The following KLHL40 variants were observed in gnomAD, a reference collection of about 807,000 sequenced individuals.
KLHL40 encodes kelch like family member 40.
KLHL40 carries 44 observed loss-of-function variants against 49.7 expected under a neutral mutation model. That is an observed-to-expected ratio of 0.89 (90% confidence interval 0.70 to 1.14). The LOEUF is 1.14. Among genes scored for constraint, KLHL40 ranks in the 50% most tolerant of loss-of-function variants. The pLI is 0.00. For synonymous variants in KLHL40, 409 were observed against 365.2 expected, an observed-to-expected ratio of 1.12 and a Z score of -1.37; for missense variants, 892 against 850.3, an observed-to-expected ratio of 1.05 and a Z score of -0.61.
intron 1 of KLHL40, among the ~76,000 whole-genome samples, chr3:42,687,238 G>A (rs1406556242): frequency 6.6e-6 from 1 of 152,234 alleles, no homozygotes; most frequent in African/African-American, 2.4e-5. Flanking sequence ...GTCTGAGTTG[G>A]GGTGTGACTG....
Position 42,688,651 on chromosome 3 carries a change from T to C in KLHL40, c.1355T>C (p.Val452Ala), listed in dbSNP as rs140389534. 101 of 1,613,678 alleles carry C rather than the reference T, an allele frequency of 6.3e-5. No homozygotes were observed. The Middle Eastern group carries it at 2.8e-3, about 45-fold the overall frequency. ...GAATCGGACCCGCTGCCTTACGTGG[T>C]GTATGGCCACACAGTGCTCTCCCAC... ...WGESDPLPYVVYGHTVLSHMD... is the reference protein window; with the variant it reads ...WGESDPLPYVAYGHTVLSHMD... The change falls in exon 3 of 6, where the codon GTG (valine) becomes GCG (alanine). Residue 452 changes from valine to alanine, a missense_variant. Physicochemically the swap from Val to Ala is moderately conservative, Grantham distance 64. Transcript: ENST00000287777. The surrounding 1 kb of genome is among the most constrained non-coding windows in gnomAD (Gnocchi z 4.2).
chr3:42,691,033 G>T, intron 5 of KLHL40, 28 bp downstream of exon 5: 1 of 1,580,452 alleles, frequency 6.3e-7, no homozygotes. Flanking sequence ...GAGGCAAGGG[G>T]GCATCATGAG....
At position 42,688,866 on chromosome 3, in the gene KLHL40, C is replaced by T; in HGVS notation, c.1422-3C>T. 1 of 1,613,068 alleles carries T rather than the reference C, an allele frequency of 6.2e-7. No homozygotes were observed. The highest frequency in any genetic ancestry group is 8.5e-7 in the Non-Finnish European group (1 of 1,179,180). On this transcript the variant is annotated splice_polypyrimidine_tract_variant and splice_region_variant and intron_variant, in intron 3 of 5. Transcript: ENST00000287777. This position sits in a 1 kb window ranked among gnomAD's most constrained non-coding sequence, Gnocchi z 4.2. The stretch of plus-strand genomic sequence containing the variant: ...CCACCCATCCCCACCCTCCACCCCA[C>T]AGGAAGTGCCTGAACAAGATGTGCG...
chr3:42,685,947 G>A lies in KLHL40; in HGVS notation c.329G>A (p.Arg110His). 1 of 1,611,686 alleles carries A rather than the reference G, an allele frequency of 6.2e-7. No homozygotes were observed. The highest frequency in any genetic ancestry group is 2.2e-5 in the East Asian group (1 of 44,866). ...CAGGATTTGTTCGCCGCGGCACACC[G>A]CTTCCAGATCCCTTCCATCTTCACC... ...SVQDLFAAAHRFQIPSIFTIC... is the reference protein window; with the variant it reads ...SVQDLFAAAHHFQIPSIFTIC... The change falls in exon 1 of 6, where the codon CGC becomes CAC. Residue 110 changes from arginine (R) to histidine (H), a missense_variant. Transcript: ENST00000287777.
chr3:42,688,401 T>G lies in KLHL40; in HGVS notation c.1313+99T>G, dbSNP rs1454176934. The G allele has an allele frequency of 2.2e-6, 3 of 1,386,424 alleles. No homozygotes were observed. The African/African-American group carries it at 4.3e-5, about 20-fold the overall frequency. The allele number at this position is 1,386,424 out of a possible 1,614,324, so 85.9% of individuals were successfully genotyped here. A position where few individuals can be genotyped will look rare whatever the true frequency, so the allele number is the denominator to read the frequency against. On this transcript the variant is annotated intron_variant, in intron 2 of 5. Coordinates refer to ENST00000287777, the MANE Select transcript of KLHL40 (RefSeq NM_152393.4). The surrounding 1 kb of genome is among the most constrained non-coding windows in gnomAD (Gnocchi z 4.2). ...TGGGGTGGGATTTGGAGCTAGAGCC[T>G]TGTGCTTAGAGTGAAGGTGGGCTTG...
chr3:42,685,777 C>T lies in KLHL40; in HGVS notation c.159C>T (p.Ala53=). ...CGTGCCATCGCCTGGTGCTGGCCGC[C>T]TGCAGCCCCTACTTCCGGGCGCGCT... ...EFPCHRLVLA[A]CSPYFRARFL... Residue 53 remains alanine (A), a synonymous_variant, in exon 1 of 6, where the codon GCC becomes GCT. Transcript: ENST00000287777. 6.2e-7 allele frequency: 1 copy of T among 1,612,310 alleles called. No individual in the cohort carries two copies. The highest frequency in any genetic ancestry group is 8.5e-7 in the Non-Finnish European group (1 of 1,179,626).
rs570808671 is a variant in KLHL40, at chr3:42,686,336, C to A, written c.718C>A (p.Arg240Ser). 2 of 1,610,774 alleles carry A rather than the reference C, an allele frequency of 1.2e-6. No homozygotes were observed. Among genetic ancestry groups the A allele is most frequent in the Non-Finnish European group, 8.5e-7 (1 of 1,178,836 alleles). The change falls in exon 1 of 6, where the codon CGC (arginine) becomes AGC (serine). Residue 240 changes from arginine (R) to serine (S), a missense_variant. Transcript: ENST00000287777. ...PRAFLESRVE[R>S]HPLVRAQPEL... ...CGCCTTTCTGGAAAGCCGCGTGGAG[C>A]GCCACCCTCTCGTGCGTGCCCAGCC... is the stretch of plus-strand genomic sequence containing the variant.
rs762354612 is a variant in KLHL40, at chr3:42,688,114, G to A, written c.1153-28G>A. On this transcript the variant is annotated intron_variant, in intron 1 of 5. Transcript: ENST00000287777. This position sits in a 1 kb window ranked among gnomAD's most constrained non-coding sequence, Gnocchi z 4.2. ...GGCTGAGGCTGGGGGAGTGGGGGGC[G>A]GTAGCTGACTGGACACCTGGCCTGC... 2.3e-5 allele frequency: 37 copies of A among 1,613,408 alleles called. No individual in the cohort carries two copies. The highest frequency in any genetic ancestry group is 8.3e-5 in the Admixed American group (5 of 59,998).
rs548205156 is a variant in KLHL40 at position 42,690,957 on chromosome 3, A to T, written c.1706A>T (p.Glu569Val). Residue 569 changes from glutamate (E) to valine (V), a missense_variant, in exon 5 of 6, where the codon GAG becomes GTG. Transcript: ENST00000287777. ...GCCATTGGTGGCTTTGCCACACTGG[A>T]GACGGAGTCTGGAGAGCTGGTTCCC... The part of the protein sequence containing the change: ...LYAIGGFATL[E>V]TESGELVPTE... The T allele has an allele frequency of 6.2e-7, 1 of 1,613,622 alleles. No homozygotes were observed. Among genetic ancestry groups the T allele is most frequent in the African/African-American group, 1.3e-5 (1 of 75,026 alleles).
In KLHL40 at chr3:42,686,103, T is replaced by C. The variant is rs371386214; in HGVS notation, c.485T>C (p.Leu162Pro). 1.2e-6 allele frequency: 2 copies of C among 1,601,200 alleles called. No individual in the cohort carries two copies. Among genetic ancestry groups the C allele is most frequent in the South Asian group, 1.1e-5 (1 of 91,050 alleles). The change falls in exon 1 of 6, where the codon CTG (leucine) becomes CCG (proline). Residue 162 changes from leucine (L) to proline (P), a missense_variant. Coordinates refer to ENST00000287777, the MANE Select transcript of KLHL40 (RefSeq NM_152393.4). ...GACTTCATCTGCGCTCACTTCACGCTGGTGGCGCGCGACGCTGACTTCCTC... is the reference window on the plus strand; with the variant it reads ...GACTTCATCTGCGCTCACTTCACGCCGGTGGCGCGCGACGCTGACTTCCTC... ...ARDFICAHFTLVARDADFLGL... is the reference protein window; with the variant it reads ...ARDFICAHFTPVARDADFLGL...
chr3:42,687,122 G>T (rs1308444366), intron 1 of KLHL40, among the ~76,000 whole-genome samples: 2 of 152,184 alleles, frequency 1.3e-5, no homozygotes, highest in Non-Finnish European at 2.9e-5. Context: ...GGCCAGGCCC[G>T]GAGCTCACAG....
intron 4 of KLHL40, 127 bp from the exon 5 acceptor site, chr3:42,690,732 T>G: frequency 1.1e-6 from 1 of 913,738 alleles, no homozygotes; most frequent in Non-Finnish European, 1.6e-6. Context: ...GGAATGGGGT[T>G]GGGGGCATGG....
Position 42,686,570 on chromosome 3 carries a change from G to C in KLHL40, c.952G>C (p.Asp318His). 6.2e-7 allele frequency: 1 copy of C among 1,614,192 alleles called. No individual in the cohort carries two copies. The highest frequency in any genetic ancestry group is 8.5e-7 in the Non-Finnish European group (1 of 1,180,046). Residue 318 changes from aspartate to histidine, a missense_variant, in exon 1 of 6, where the codon GAT becomes CAT. Coordinates refer to ENST00000287777, the MANE Select transcript of KLHL40 (RefSeq NM_152393.4). Reference sequence around the variant, plus strand: ...CCTGCGCTTCGGCATGTTCCTGCAGGATCTCATCTTCATGATCAGTGAGGA... The same window carrying C: ...CCTGCGCTTCGGCATGTTCCTGCAGCATCTCATCTTCATGATCAGTGAGGA... The part of the protein sequence containing the change: ...DTLRFGMFLQ[D>H]LIFMISEEGA...
Position 42,685,738 on chromosome 3 carries a change from C to A in KLHL40, c.120C>A (p.Gly40=), listed in dbSNP as rs1013426169. ...TCCTCGACTGTGTGGTGCGGGCGGG[C>A]GAGCGCGAGTTCCCGTGCCATCGCC... ...GKFLDCVVRA[G]EREFPCHRLV... Residue 40 remains glycine (G), a synonymous_variant, in exon 1 of 6, where the codon GGC becomes GGA. Coordinates refer to ENST00000287777, the MANE Select transcript of KLHL40 (RefSeq NM_152393.4). 2 of 1,612,762 alleles carry A rather than the reference C, an allele frequency of 1.2e-6. No individual in the cohort carries two copies. The highest frequency in any genetic ancestry group is 2.2e-5 in the East Asian group (1 of 44,882).
rs2125844766 is a variant in KLHL40 at position 42,686,327 on chromosome 3, C to T, written c.709C>T (p.Arg237Cys). ...RLLPRAFLES[R>C]VERHPLVRAQ... is the part of the protein sequence containing the mutation. ...GCTGCCGCGCGCCTTTCTGGAAAGC[C>T]GCGTGGAGCGCCACCCTCTCGTGCG... is the stretch of plus-strand genomic sequence containing the variant. The change falls in exon 1 of 6, where the codon CGC becomes TGC. Residue 237 changes from arginine (R) to cysteine (C), a missense_variant. Physicochemically the swap from Arg to Cys is radical, Grantham distance 180. Transcript: ENST00000287777. 6.2e-7 allele frequency: 1 copy of T among 1,608,208 alleles called. No individual in the cohort carries two copies. Among genetic ancestry groups the T allele is most frequent in the African/African-American group, 1.3e-5 (1 of 74,874 alleles).
Position 42,688,589 on chromosome 3 carries a change from C to A in KLHL40, c.1314-21C>A. ...AGCCTGGATGGGTGCCCTCCCCCAC[C>A]CCCACTCCCGTCTCCTCCAGGTCAT... On this transcript the variant is annotated intron_variant, in intron 2 of 5. Transcript: ENST00000287777. The surrounding 1 kb of genome is among the most constrained non-coding windows in gnomAD (Gnocchi z 4.2). 1 of 1,590,508 alleles carries A rather than the reference C, an allele frequency of 6.3e-7. No homozygotes were observed. The highest frequency in any genetic ancestry group is 8.6e-7 in the Non-Finnish European group (1 of 1,159,692).
rs1020628167 is a variant in KLHL40, at chr3:42,688,799, G to A, written c.1422-70G>A. The A allele has an allele frequency of 5.7e-6, 9 of 1,580,634 alleles. No homozygotes were observed. The highest frequency in any genetic ancestry group is 6.1e-6 in the Non-Finnish European group (7 of 1,149,814). ...TCAGGGGTTTGTCCTGGCTGCCCCG[G>A]CAGGTGATTGCAGGGAGGCGTGGCT... is the stretch of plus-strand genomic sequence containing the variant. On this transcript the variant is annotated intron_variant, in intron 3 of 5. Coordinates refer to ENST00000287777, the MANE Select transcript of KLHL40 (RefSeq NM_152393.4). This position sits in a 1 kb window ranked among gnomAD's most constrained non-coding sequence, Gnocchi z 4.2.
chr3:42,686,329 C>A lies in KLHL40; in HGVS notation c.711C>A (p.Arg237=). ...TGCCGCGCGCCTTTCTGGAAAGCCG[C>A]GTGGAGCGCCACCCTCTCGTGCGTG... ...RLLPRAFLES[R]VERHPLVRAQ... The change falls in exon 1 of 6, where the codon CGC becomes CGA. Residue 237 remains arginine (R), a synonymous_variant. Coordinates refer to ENST00000287777, the MANE Select transcript of KLHL40 (RefSeq NM_152393.4). 6.2e-7 allele frequency: 1 copy of A among 1,609,108 alleles called. No homozygotes were observed. The highest frequency in any genetic ancestry group is 8.5e-7 in the Non-Finnish European group (1 of 1,177,878).
chr3:42,688,473 G>A lies in KLHL40; in HGVS notation c.1314-137G>A. 1 of 956,930 alleles carries A rather than the reference G, an allele frequency of 1.0e-6. No individual in the cohort carries two copies. The highest frequency in any genetic ancestry group is 1.6e-6 in the Non-Finnish European group (1 of 623,622). 59.3% of individuals were successfully genotyped at this position (956,930 alleles called of 1,614,324 possible). Reference sequence around the variant, plus strand: ...GGGCAGGGTGGGATCAAAGAACTGAGAGGCCTCGGAAGTTCCAGCAATGGA... The same window carrying A: ...GGGCAGGGTGGGATCAAAGAACTGAAAGGCCTCGGAAGTTCCAGCAATGGA... On this transcript the variant is annotated intron_variant, in intron 2 of 5. Transcript: ENST00000287777. This position sits in a 1 kb window ranked among gnomAD's most constrained non-coding sequence, Gnocchi z 4.2.
Sources: allele counts gnomAD v4.1 joint callset (sites outside exome capture counted in the v4.1 genomes callset), GRCh38; gene constraint gnomAD v4.1.1; non-coding constraint Gnocchi (gnomAD v3.1); transcripts MANE v1.5; gene names NCBI Gene and HGNC (gene_info 2026-07-23, HGNC 2026-07-21).